Variants in FGD4 observed in about 807,000 individuals in gnomAD.
The protein encoded by FGD4 is FYVE, RhoGEF and PH domain containing 4.
A neutral mutation model predicts 102.0 loss-of-function variants in FGD4; 42 were observed. The ratio of observed to expected loss-of-function variants is 0.41; its 90% CI spans 0.32 to 0.53. The LOEUF (loss-of-function observed/expected upper bound fraction) is 0.53. Ranked by LOEUF, FGD4 falls within the 20% of genes least tolerant of loss-of-function variation. The probability of loss-of-function intolerance (pLI) is 0.21; values close to 1 mark genes in which losing one functional copy is unlikely to be tolerated. For missense variants in FGD4, 902 were observed against 1,078.2 expected, an observed-to-expected ratio of 0.84 and a Z score of 2.29; for synonymous variants, 380 against 375.7, an observed-to-expected ratio of 1.01 and a Z score of -0.13.
intron 1 of FGD4, among the ~76,000 whole-genome samples, chr12:32,441,147 G>T (rs975453571): frequency 6.6e-6 from 1 of 152,136 alleles, no homozygotes; most frequent in African/African-American, 2.4e-5. Flanking sequence ...CCCTCCTGTG[G>T]CAGTGTTGGT....
intron 1 of FGD4, among the ~76,000 whole-genome samples, chr12:32,519,583 G>T (rs568097000): frequency 1.3e-5 from 2 of 151,800 alleles, no homozygotes; most frequent in African/African-American, 4.8e-5. Context: ...TTGAGGCCAG[G>T]AGTTTGAGAC....
chr12:32,473,859 G>A (rs561835381), intron 1 of FGD4, among the ~76,000 whole-genome samples: 7 of 152,016 alleles, frequency 4.6e-5, no homozygotes, highest in Non-Finnish European at 1.0e-4. Flanking sequence ...AGGCTGAGGC[G>A]GGCAGATAAC....
rs1339495093 is a variant in FGD4, at chr12:32,506,149, ATC to A, written c.167-57987_167-57986del. Among the ~76,000 whole-genome samples, 1 of 152,186 alleles carries A rather than the reference ATC, an allele frequency of 6.6e-6. No homozygotes were observed. The highest frequency in any genetic ancestry group is 1.5e-5 in the Non-Finnish European group (1 of 68,028). On this transcript the variant is annotated intron_variant, in intron 1 of 16. Coordinates refer to ENST00000534526, the MANE Select transcript of FGD4 (RefSeq NM_001370298.3). The surrounding 1 kb of genome is among the most constrained non-coding windows in gnomAD (Gnocchi z 4.5). ...ACACGTAGGGCAAGATCAGCTTAAC[ATC>A]CTACACTGTTGTCTTTAAGAGGAGC...
intron 1 of FGD4, among the ~76,000 whole-genome samples, chr12:32,561,791 GAACA>G (rs1343289371): frequency 1.3e-5 from 2 of 152,250 alleles, no homozygotes; most frequent in Admixed American, 1.3e-4. Flanking sequence ...ACCAGAAAGT[GAACA>G]AACATTTAAT....
At chr12:32,498,310 A>T (rs1298731624) in intron 1 of FGD4, among the ~76,000 whole-genome samples, 1 of 152,190 alleles carries the variant, frequency 6.6e-6, no homozygotes, top group African/African-American at 2.4e-5. Context: ...TTTAAAAAAT[A>T]TTTGATTGCA....
Position 32,609,505 on chromosome 12 carries a change from C to T in FGD4, c.1544-1271C>T, listed in dbSNP as rs536154337. Among the ~76,000 whole-genome samples the T allele has an allele frequency of 6.5e-4, 99 of 152,244 alleles. 1 individual carries two copies. The highest frequency in any genetic ancestry group is 2.2e-3 in the African/African-American group (90 of 41,544). ...GGATCCTGTATCAAGTGCACAGCAT[C>T]GCCCACATCAGAATAGTTCTTTAAA... On this transcript the variant is annotated intron_variant, in intron 8 of 16. Transcript: ENST00000534526.
At chr12:32,518,150 A>G (rs1940095302) in intron 1 of FGD4, among the ~76,000 whole-genome samples, 2 of 152,242 alleles carry the variant, frequency 1.3e-5, no homozygotes, top group South Asian at 2.1e-4. Context: ...GTCTAGGAAC[A>G]TGACTACTGC....
At chr12:32,493,725 C>T (rs566438183) in intron 1 of FGD4, among the ~76,000 whole-genome samples, 1 of 152,274 alleles carries the variant, frequency 6.6e-6, no homozygotes, top group Admixed American at 6.5e-5. Context: ...GCCCCCTGTC[C>T]TTATGGATTT....
At chr12:32,625,923 C>A in intron 14 of FGD4, 144 bp downstream of exon 14, 4 of 1,121,268 alleles carry the variant, frequency 3.6e-6, no homozygotes, top group Non-Finnish European at 5.3e-6. Flanking sequence ...GAGGACTGTG[C>A]TGAGCCCTGG....
At position 32,628,655 on chromosome 12, in the gene FGD4, G is replaced by A. The variant is rs572762499; in HGVS notation, c.2172+2876G>A. Reference sequence around the variant, plus strand: ...CTCTACTAAAAATACAAAATTAGCCGGGCATGGTGGTGCATGCCTGTAATT... The same window carrying A: ...CTCTACTAAAAATACAAAATTAGCCAGGCATGGTGGTGCATGCCTGTAATT... On this transcript the variant is annotated intron_variant, in intron 14 of 16. Transcript: ENST00000534526. 2.0e-5 allele frequency among the ~76,000 whole-genome samples: 3 copies of A among 152,116 alleles called. No homozygotes were observed. The East Asian group carries it at 5.8e-4, about 30-fold the overall frequency.
intron 2 of FGD4, among the ~76,000 whole-genome samples, chr12:32,573,605 TG>T (rs1207662732): frequency 6.6e-6 from 1 of 152,254 alleles, no homozygotes; most frequent in Non-Finnish European, 1.5e-5. Context: ...TCTAAGACAG[TG>T]TGTCTAACTT....
At chr12:32,474,381 G>C (rs1471133012) in intron 1 of FGD4, among the ~76,000 whole-genome samples, 1 of 152,128 alleles carries the variant, frequency 6.6e-6, no homozygotes, top group African/African-American at 2.4e-5. Flanking sequence ...AATAAAAAGT[G>C]ATATGCCTGT....
intron 1 of FGD4, among the ~76,000 whole-genome samples, chr12:32,416,434 T>C (rs530606705): frequency 6.6e-6 from 1 of 152,368 alleles, no homozygotes; most frequent in Non-Finnish European, 1.5e-5. Context: ...CCTTCTTTCC[T>C]GTCTTCCTTT....
intron 16 of FGD4, among the ~76,000 whole-genome samples, chr12:32,639,230 C>A (rs540966110): frequency 6.6e-6 from 1 of 152,312 alleles, no homozygotes; most frequent in Non-Finnish European, 1.5e-5. Context: ...ATGGTGCAAT[C>A]TTGGCTCACT....
At chr12:32,416,376 C>T (rs1351086627) in intron 1 of FGD4, among the ~76,000 whole-genome samples, 1 of 152,180 alleles carries the variant, frequency 6.6e-6, no homozygotes, top group African/African-American at 2.4e-5. Flanking sequence ...ACTACTCCTA[C>T]CATTTTATTT....
At chr12:32,520,639 TG>T (rs1940441816) in intron 1 of FGD4, among the ~76,000 whole-genome samples, 2 of 152,080 alleles carry the variant, frequency 1.3e-5, no homozygotes, top group Non-Finnish European at 2.9e-5. Context: ...GGTTTCACCG[TG>T]TTAGCCAGGA....
At position 32,599,515 on chromosome 12, in the gene FGD4, C is replaced by T. The variant is rs1201068253; in HGVS notation, c.1101+929C>T. On this transcript the variant is annotated intron_variant, in intron 5 of 16. Transcript: ENST00000534526. ...GTCTCAAAAAAAAAAAAAAGAATAA[C>T]TTTTGAAAACTAAGGCATCTTTTTT... Among the ~76,000 whole-genome samples the T allele has an allele frequency of 2.3e-5, 2 of 88,830 alleles. 1 individual carries two copies. The highest frequency in any genetic ancestry group is 4.4e-5 in the Non-Finnish European group (2 of 45,316). 58.3% of individuals were successfully genotyped at this position (88,830 alleles called of 152,430 possible).
At chr12:32,496,605 T>A (rs892435052) in intron 1 of FGD4, among the ~76,000 whole-genome samples, 1 of 152,238 alleles carries the variant, frequency 6.6e-6, no homozygotes, top group Non-Finnish European at 1.5e-5. Flanking sequence ...GCCCTTTTCC[T>A]ATTTTACACT....
In FGD4 at chr12:32,399,598, A is replaced by G; in HGVS notation, c.-196A>G. On this transcript the variant is annotated 5_prime_UTR_variant, in exon 1 of 17. Transcript: ENST00000534526. ...CTGCGACTGCCGCAGGAGTCGCCGCAGCCAAACTCGCCGCGACGCCGGGAG... is the reference window on the plus strand; with the variant it reads ...CTGCGACTGCCGCAGGAGTCGCCGCGGCCAAACTCGCCGCGACGCCGGGAG... The G allele has an allele frequency of 7.4e-7, 1 of 1,353,850 alleles. No individual in the cohort carries two copies. Among genetic ancestry groups the G allele is most frequent in the Non-Finnish European group, 9.6e-7 (1 of 1,042,284 alleles). The allele number at this position is 1,353,850 out of a possible 1,614,324, so 83.9% of individuals were successfully genotyped here. A position where few individuals can be genotyped will look rare whatever the true frequency, so the allele number is the denominator to read the frequency against.
Sources: allele counts gnomAD v4.1 joint callset (sites outside exome capture counted in the v4.1 genomes callset), GRCh38; gene constraint gnomAD v4.1.1; non-coding constraint Gnocchi (gnomAD v3.1); transcripts MANE v1.5; gene names NCBI Gene and HGNC (gene_info 2026-07-23, HGNC 2026-07-21).